Variants in CCNF observed in about 807,000 individuals in gnomAD.
CCNF encodes cyclin-F.
Under a neutral mutation model 85.4 loss-of-function variants are expected in CCNF, and 30 were observed. The ratio of observed to expected loss-of-function variants is 0.35; its 90% CI spans 0.26 to 0.48. The LOEUF (loss-of-function observed/expected upper bound fraction) is 0.48. Ranked by LOEUF, CCNF falls within the 20% of genes least tolerant of loss-of-function variation. The pLI, the probability that CCNF is intolerant of heterozygous loss-of-function variation, is 0.99. For missense variants in CCNF, 919 were observed against 1,010.4 expected (o/e 0.91, Z 1.23); for synonymous variants, 439 against 425.1 (o/e 1.03, Z -0.40).
rs148523749 is a variant in CCNF at position 2,453,562 on chromosome 16, C to A, written c.1715+25C>A. 6.7e-4 allele frequency: 1,074 copies of A among 1,613,462 alleles called. 4 individuals are homozygous for A. The African/African-American group carries it at 0.011, about 16-fold the overall frequency. ...GGTTAGTTACCCTGCGTTCTGGCTG[C>A]GCCATACAATGCTGGCATCCTCGTG... On this transcript the variant is annotated intron_variant, in intron 15 of 16. Coordinates refer to ENST00000397066, the MANE Select transcript of CCNF (RefSeq NM_001761.3). This position sits in a 1 kb window ranked among gnomAD's most constrained non-coding sequence, Gnocchi z 5.6.
Position 2,434,514 on chromosome 16 carries a change from G to A in CCNF, c.279-1292G>A, listed in dbSNP as rs190643724. ...TAATGCCAGCTATTCAGGAGGCTGA[G>A]GCAGGAGAATTGCTTGAACCCAGGA... On this transcript the variant is annotated intron_variant, in intron 3 of 16. Coordinates refer to ENST00000397066, the MANE Select transcript of CCNF (RefSeq NM_001761.3). 4.0e-5 allele frequency among the ~76,000 whole-genome samples: 6 copies of A among 151,568 alleles called. No individual in the cohort carries two copies. In the East Asian group the frequency reaches 1.2e-3, roughly 30 times the overall value.
At chr16:2,437,734 A>T in intron 5 of CCNF, 1 of 327,024 alleles carries the variant, frequency 3.1e-6, no homozygotes, top group Non-Finnish European at 5.7e-6. Context: ...TCGTCTCTAC[A>T]AAAAATACAA....
At chr16:2,449,036 GGGT>G in intron 11 of CCNF, 58 bp downstream of exon 11, 1 of 1,270,336 alleles carries the variant, frequency 7.9e-7, no homozygotes, top group Non-Finnish European at 1.1e-6. Context: ...TGGAGGGTGG[GGGT>G]GGGCATTCAG....
intron 9 of CCNF, 115 bp from the exon 10 acceptor site, chr16:2,445,343 A>G (rs766499506): frequency 1.6e-6 from 2 of 1,232,820 alleles, no homozygotes; most frequent in East Asian, 2.4e-5. Flanking sequence ...GGGTAAACCC[A>G]TGATTCCAGA....
At chr16:2,433,957 A>G (rs1183654117) in intron 3 of CCNF, among the ~76,000 whole-genome samples, 1 of 152,142 alleles carries the variant, frequency 6.6e-6, no homozygotes, top group Non-Finnish European at 1.5e-5. Context: ...TTCCAGGGGG[A>G]ATGTATATAT....
intron 9 of CCNF, among the ~76,000 whole-genome samples, 154 bp downstream of exon 9, chr16:2,443,954 C>T (rs1159020955): frequency 8.0e-5 from 12 of 150,028 alleles, no homozygotes; most frequent in African/African-American, 2.7e-4. Context: ...GAGTCTCGCT[C>T]TGTCGCCCAG....
At chr16:2,449,573 G>A in intron 12 of CCNF, 111 bp downstream of exon 12, 1 of 1,118,008 alleles carries the variant, frequency 8.9e-7, no homozygotes, top group Non-Finnish European at 1.3e-6. Context: ...TACTTCTTGG[G>A]GGGTGAGATA....
Position 2,453,482 on chromosome 16 carries a change from A to G in CCNF, c.1660A>G (p.Ser554Gly), listed in dbSNP as rs771307969. The change falls in exon 15 of 17, where the codon AGC becomes GGC. Residue 554 changes from serine to glycine, a missense_variant. Transcript: ENST00000397066. This position sits in a 1 kb window ranked among gnomAD's most constrained non-coding sequence, Gnocchi z 5.6. The stretch of plus-strand genomic sequence containing the variant: ...CAGCCCCGACCCCCCGACTTTCCTC[A>G]GCACAGGGGAGATCCACGCCTTCCT... ...QDSPDPPTFL[S>G]TGEIHAFLSS... 13 of 1,613,954 alleles carry G rather than the reference A, an allele frequency of 8.1e-6. 1 individual carries two copies. In the Admixed American group the frequency reaches 2.2e-4, roughly 27 times the overall value.
chr16:2,431,817 G>C (rs988867104), intron 2 of CCNF, among the ~76,000 whole-genome samples: 14 of 146,766 alleles, frequency 9.5e-5, no homozygotes, highest in Non-Finnish European at 1.3e-4. Context: ...GTTCATTGCA[G>C]TGTCAACAAA....
At chr16:2,432,839 C>A in intron 2 of CCNF, 122 bp from the exon 3 acceptor site, 1 of 577,836 alleles carries the variant, frequency 1.7e-6, no homozygotes, top group Non-Finnish European at 3.1e-6. Context: ...GGGACCTCAA[C>A]TACTTGGGAT....
At chr16:2,440,014 A>G (rs917009406) in intron 8 of CCNF, among the ~76,000 whole-genome samples, 188 bp downstream of exon 8, 1 of 152,188 alleles carries the variant, frequency 6.6e-6, no homozygotes, top group Non-Finnish European at 1.5e-5. Context: ...ACACTGTGAG[A>G]AGAGCTGGGA....
Position 2,439,810 on chromosome 16 carries a change from G to C in CCNF, c.761G>C (p.Gly254Ala), listed in dbSNP as rs1337109084. 8.1e-6 allele frequency: 13 copies of C among 1,614,072 alleles called. No homozygotes were observed. The highest frequency in any genetic ancestry group is 2.2e-5 in the East Asian group (1 of 44,896). ...AAACTCAGGGACTACGCTGCCAAAG[G>C]CTGCTGGGAAGCGCAGGTGAGGTGC... ...FRKLRDYAAK[G>A]CWEAQLSLAK... The change falls in exon 8 of 17, where the codon GGC (glycine) becomes GCC (alanine). Residue 254 changes from glycine (G) to alanine (A), a missense_variant. This residue lies in a region of CCNF where 410 missense variants were observed against 478.6 expected (regional missense o/e 0.86). Coordinates refer to ENST00000397066, the MANE Select transcript of CCNF (RefSeq NM_001761.3).
Position 2,437,294 on chromosome 16 carries a change from G to A in CCNF, c.512G>A (p.Ser171Asn). 1 of 1,601,790 alleles carries A rather than the reference G, an allele frequency of 6.2e-7. No individual in the cohort carries two copies. Among genetic ancestry groups the A allele is most frequent in the Non-Finnish European group, 8.5e-7 (1 of 1,175,010 alleles). Residue 171 changes from serine to asparagine, a missense_variant, in exon 5 of 17, where the codon AGC (serine) becomes AAC (asparagine). By Grantham distance (46) the Ser-to-Asn change is conservative. This residue lies in a region of CCNF where 410 missense variants were observed against 478.6 expected (regional missense o/e 0.86). Transcript: ENST00000397066. ...GSCCKAVVHE[S>N]LRAECQLQRT... ...TGCTGCAAGGCCGTGGTTCACGAGA[G>A]CCTCAGGGCAGAGTGCCAGCTGCAG...
Position 2,453,254 on chromosome 16 carries a change from C to T in CCNF, c.1532C>T (p.Thr511Ile). Reference sequence around the variant, plus strand: ...AAGGACTACAGGCAAGTCTCTCTGACCGCCGTGAAGCAGCGGTTTGAGGAC... The same window carrying T: ...AAGGACTACAGGCAAGTCTCTCTGATCGCCGTGAAGCAGCGGTTTGAGGAC... ...APKDYRQVSL[T>I]AVKQRFEDKR... Residue 511 changes from threonine to isoleucine, a missense_variant, in exon 14 of 17, where the codon ACC becomes ATC. Coordinates refer to ENST00000397066, the MANE Select transcript of CCNF (RefSeq NM_001761.3). This position sits in a 1 kb window ranked among gnomAD's most constrained non-coding sequence, Gnocchi z 5.6. 2 of 1,613,914 alleles carry T rather than the reference C, an allele frequency of 1.2e-6. No individual in the cohort carries two copies. Among genetic ancestry groups the T allele is most frequent in the South Asian group, 1.1e-5 (1 of 91,084 alleles).
intron 2 of CCNF, among the ~76,000 whole-genome samples, chr16:2,432,045 T>C (rs957579698): frequency 6.6e-6 from 1 of 152,088 alleles, no homozygotes; most frequent in Non-Finnish European, 1.5e-5. Flanking sequence ...TTAGCCAGGA[T>C]GGTCTCTATC....
intron 9 of CCNF, among the ~76,000 whole-genome samples, chr16:2,444,278 T>G (rs2065349103): frequency 6.6e-6 from 1 of 150,394 alleles, no homozygotes; most frequent in Admixed American, 6.7e-5. Context: ...GAAGAAAATA[T>G]CCTACTCTGC....
rs1408408844 is a variant in CCNF at position 2,448,837 on chromosome 16, C to A, written c.1095-18C>A. ...CAGGAAGTGGGCTCCACCCTGAGAC[C>A]CCTTCTCGGCGTTGCAGGTTTATCA... On this transcript the variant is annotated intron_variant, in intron 10 of 16. Transcript: ENST00000397066. 1.2e-6 allele frequency: 2 copies of A among 1,612,342 alleles called. No homozygotes were observed. Among genetic ancestry groups the A allele is most frequent in the Non-Finnish European group, 1.7e-6 (2 of 1,178,698 alleles).
chr16:2,430,060 A>G (rs1403252667), intron 1 of CCNF, among the ~76,000 whole-genome samples: 1 of 152,222 alleles, frequency 6.6e-6, no homozygotes, highest in East Asian at 1.9e-4. Flanking sequence ...GGAGAGGTCT[A>G]TAGAATCTTT....
At position 2,437,785 on chromosome 16, in the gene CCNF, G is replaced by A. The variant is rs370154810; in HGVS notation, c.541-285G>A. 1.6e-5 allele frequency: 7 copies of A among 431,664 alleles called. No homozygotes were observed. The East Asian group carries it at 2.0e-4, about 13-fold the overall frequency. The allele number at this position is 431,664 out of a possible 1,614,324, so 26.7% of individuals were successfully genotyped here. On this transcript the variant is annotated intron_variant, in intron 5 of 16. Transcript: ENST00000397066. The stretch of plus-strand genomic sequence containing the variant: ...GTGGTGGTGCATACCTATAGTCCCA[G>A]CTACTCAGGAGGCTGCGGTGGGAGG...
Sources: allele counts gnomAD v4.1 joint callset (sites outside exome capture counted in the v4.1 genomes callset), GRCh38; gene constraint gnomAD v4.1.1; regional missense constraint gnomAD v4.1.1; non-coding constraint Gnocchi (gnomAD v3.1); transcripts MANE v1.5; gene names NCBI Gene and HGNC (gene_info 2026-07-23, HGNC 2026-07-21).